The following PCGF2 variants were observed in gnomAD, a reference collection of about 807,000 sequenced individuals.
PCGF2 encodes the protein polycomb group ring finger 2, also known as polycomb group RING finger protein 2.
Under a neutral mutation model 36.1 loss-of-function variants are expected in PCGF2, and 8 were observed. The observed-to-expected ratio is 0.22, with a 90% CI of 0.13 to 0.40. The LOEUF (loss-of-function observed/expected upper bound fraction) is 0.40, where lower values mean the gene tolerates loss of function less well. Ranked by LOEUF, PCGF2 falls within the 10% of genes least tolerant of loss-of-function variation. The pLI is 1.00. For synonymous variants in PCGF2, 198 were observed against 191.2 expected, an observed-to-expected ratio of 1.04 and a Z score of -0.29; for missense variants, 436 against 475.9, an observed-to-expected ratio of 0.92 and a Z score of 0.78.
chr17:38,735,751 G>A (rs1906661655), intron 10 of PCGF2, 151 bp from the exon 11 acceptor site: 1 of 1,118,048 alleles, frequency 8.9e-7, no homozygotes, highest in African/African-American at 1.6e-5. Context: ...CAAGGATACA[G>A]GGTGCATGAA....
chr17:38,736,833 CAAAAA>C (rs759416386), intron 9 of PCGF2, among the ~76,000 whole-genome samples: 13 of 149,768 alleles, frequency 8.7e-5, no homozygotes, highest in African/African-American at 2.2e-4. Flanking sequence ...GACTCCGTCT[CAAAAA>C]AAACAAAACA....
chr17:38,745,286 T>G (rs228230), intron 2 of PCGF2, among the ~76,000 whole-genome samples: 1 of 151,760 alleles, frequency 6.6e-6, no homozygotes. Context: ...GAGCCGAGAT[T>G]GCGCCACTGC....
At position 38,740,453 on chromosome 17, in the gene PCGF2, G is replaced by A; in HGVS notation, c.-40-11C>T. ...CTGGGGAGCGTTGCCCTGGGAAACG[G>A]AAGTGGAATCAGAAACCCAGAGTTG... On this transcript the variant is annotated splice_polypyrimidine_tract_variant and intron_variant, in intron 2 of 10. Coordinates refer to ENST00000620225, the MANE Select transcript of PCGF2 (RefSeq NM_007144.3). The A allele has an allele frequency of 6.5e-7, 1 of 1,534,192 alleles. No individual in the cohort carries two copies. The highest frequency in any genetic ancestry group is 8.9e-7 in the Non-Finnish European group (1 of 1,127,108).
At position 38,740,282 on chromosome 17, in the gene PCGF2, C is replaced by G. The variant is rs776023319; in HGVS notation, c.112+9G>C. ...CCCACCCTGAGCAGCTCCCCTCCCCCCAACTCACAGGAATGCAGGCACTCC... is the reference window on the plus strand; with the variant it reads ...CCCACCCTGAGCAGCTCCCCTCCCCGCAACTCACAGGAATGCAGGCACTCC... On this transcript the variant is annotated intron_variant, in intron 3 of 10. Transcript: ENST00000620225. 2 of 1,611,660 alleles carry G rather than the reference C, an allele frequency of 1.2e-6. No homozygotes were observed. Among genetic ancestry groups the G allele is most frequent in the African/African-American group, 1.3e-5 (1 of 74,896 alleles).
upstream of PCGF2, among the ~76,000 whole-genome samples, chr17:38,748,877 G>T (rs1567639148): frequency 6.6e-6 from 1 of 152,186 alleles, no homozygotes; most frequent in Non-Finnish European, 1.5e-5. Context: ...CTGCATCTGG[G>T]AGGGCGAGCG....
At position 38,739,005 on chromosome 17, in the gene PCGF2, G is replaced by C; in HGVS notation, c.316+63C>G. On this transcript the variant is annotated intron_variant, in intron 6 of 10. Coordinates refer to ENST00000620225, the MANE Select transcript of PCGF2 (RefSeq NM_007144.3). This position sits in a 1 kb window ranked among gnomAD's most constrained non-coding sequence, Gnocchi z 4.0. ...AGGAGGTCAGAGGGTGAGGGGTAGC[G>C]CTACACACCTACATGGTCCCAGGCA... 6.3e-7 allele frequency: 1 copy of C among 1,582,798 alleles called. No individual in the cohort carries two copies.
chr17:38,739,592 C>T lies in PCGF2; in HGVS notation c.203G>A (p.Ser68Asn), dbSNP rs765795827. Residue 68 changes from serine to asparagine, a missense_variant, in exon 4 of 11, where the codon AGC (serine) becomes AAC (asparagine). Ser to Asn is a conservative substitution (Grantham distance 46). Transcript: ENST00000620225. This position sits in a 1 kb window ranked among gnomAD's most constrained non-coding sequence, Gnocchi z 4.0. ...GGTGCCGTGCCAAGCCCACCTGATG[C>T]TCAGCAGCGGCCGGGTTTTATGGAC... The part of the protein sequence containing the change: ...VQVHKTRPLL[S>N]IRSDKTLQDI... 1 of 1,612,982 alleles carries T rather than the reference C, an allele frequency of 6.2e-7. No homozygotes were observed.
intron 10 of PCGF2, 109 bp downstream of exon 10, chr17:38,735,981 G>A: frequency 1.3e-6 from 1 of 787,564 alleles, no homozygotes; most frequent in Non-Finnish European, 2.1e-6. Flanking sequence ...GCAGCTCATG[G>A]GATAAGGGAC....
chr17:38,734,800 A>C lies in PCGF2; in HGVS notation c.*423T>G. On this transcript the variant is annotated 3_prime_UTR_variant, in exon 11 of 11. Coordinates refer to ENST00000620225, the MANE Select transcript of PCGF2 (RefSeq NM_007144.3). Reference sequence around the variant, plus strand: ...TGACTCCTATATGCAGCCAGTTGGAATCATGCCTAAAGCTTTGGGTCTGAA... The same window carrying C: ...TGACTCCTATATGCAGCCAGTTGGACTCATGCCTAAAGCTTTGGGTCTGAA... The C allele has an allele frequency of 6.4e-6, 1 of 156,616 alleles. No homozygotes were observed. The highest frequency in any genetic ancestry group is 1.4e-5 in the Non-Finnish European group (1 of 70,982). 9.7% of individuals were successfully genotyped at this position (156,616 alleles called of 1,614,324 possible). A position where few individuals can be genotyped will look rare whatever the true frequency, so the allele number is the denominator to read the frequency against.
chr17:38,740,396 G>A lies in PCGF2; in HGVS notation c.7C>T (p.Arg3Trp). 1 of 961,066 alleles carries A rather than the reference G, an allele frequency of 1.0e-6. No individual in the cohort carries two copies. Among genetic ancestry groups the A allele is most frequent in the Non-Finnish European group, 1.5e-6 (1 of 650,438 alleles). 59.5% of individuals were successfully genotyped at this position (961,066 alleles called of 1,614,324 possible). MH[R>W]TTRIKITELN... ...TCTGTGATTTTGATCCGTGTAGTCC[G>A]ATGCATGATTCCGGGGTCGGGGGTG... Residue 3 changes from arginine to tryptophan, a missense_variant, in exon 3 of 11, where the codon CGG (arginine) becomes TGG (tryptophan). By Grantham distance (101) the Arg-to-Trp change is moderately radical. This residue lies in a region of PCGF2 where 189 missense variants were observed against 219.3 expected (regional missense o/e 0.86). Transcript: ENST00000620225.
rs894989198 is a variant in PCGF2, at chr17:38,740,265, G to A, written c.112+26C>T. 6.2e-6 allele frequency: 10 copies of A among 1,603,498 alleles called. No individual in the cohort carries two copies. The Admixed American group carries it at 8.3e-5, about 13-fold the overall frequency. ...TCTGGGCACAGAGGCTGCCCACCCT[G>A]AGCAGCTCCCCTCCCCCCAACTCAC... On this transcript the variant is annotated intron_variant, in intron 3 of 10. Coordinates refer to ENST00000620225, the MANE Select transcript of PCGF2 (RefSeq NM_007144.3).
chr17:38,743,812 T>A (rs546974641), intron 2 of PCGF2, among the ~76,000 whole-genome samples: 14 of 152,248 alleles, frequency 9.2e-5, no homozygotes, highest in Non-Finnish European at 1.9e-4. Flanking sequence ...CGCGAATTCC[T>A]GATACCCAGT....
intron 9 of PCGF2, among the ~76,000 whole-genome samples, chr17:38,737,623 T>C (rs1047428835): frequency 6.6e-6 from 1 of 151,948 alleles, no homozygotes; most frequent in Non-Finnish European, 1.5e-5. Flanking sequence ...GTTAGAAATA[T>C]GGAATCTGGC....
chr17:38,736,147 C>T lies in PCGF2; in HGVS notation c.600G>A (p.Glu200=). The change falls in exon 10 of 11, where the codon GAG becomes GAA. Residue 200 remains glutamate, a synonymous_variant. Coordinates refer to ENST00000620225, the MANE Select transcript of PCGF2 (RefSeq NM_007144.3). ...TGAGGGTGTAGTATTCCTTCAGTGGCTCGTCCTCGTACAGAACCTCCACCT... is the reference window on the plus strand; with the variant it reads ...TGAGGGTGTAGTATTCCTTCAGTGGTTCGTCCTCGTACAGAACCTCCACCT... ...KYKVEVLYED[E]PLKEYYTLMD... 1 of 1,579,026 alleles carries T rather than the reference C, an allele frequency of 6.3e-7. No homozygotes were observed. The highest frequency in any genetic ancestry group is 8.6e-7 in the Non-Finnish European group (1 of 1,162,224).
chr17:38,744,441 C>T (rs938409005), intron 2 of PCGF2, among the ~76,000 whole-genome samples: 5 of 152,112 alleles, frequency 3.3e-5, no homozygotes, highest in Non-Finnish European at 1.5e-5. Flanking sequence ...CTGCAACCTC[C>T]GCCTCCTGGA....
At position 38,742,356 on chromosome 17, in the gene PCGF2, C is replaced by T. The variant is rs150512500; in HGVS notation, c.-40-1914G>A. On this transcript the variant is annotated intron_variant, in intron 2 of 10. Transcript: ENST00000620225. Reference sequence around the variant, plus strand: ...TTTTCTAGGACAAGAAATTCACAGCCGGGATCAGCAGTTTCTATAGAGACC... The same window carrying T: ...TTTTCTAGGACAAGAAATTCACAGCTGGGATCAGCAGTTTCTATAGAGACC... Among the ~76,000 whole-genome samples, 1,326 of 152,278 alleles carry T rather than the reference C, an allele frequency of 8.7e-3. 7 individuals carry two copies. The highest frequency in any genetic ancestry group is 0.013 in the Non-Finnish European group (896 of 68,010).
intron 10 of PCGF2, among the ~76,000 whole-genome samples, chr17:38,735,802 A>G (rs985418913): frequency 3.3e-5 from 5 of 152,192 alleles, no homozygotes; most frequent in African/African-American, 1.2e-4. Flanking sequence ...AGACTCCGTC[A>G]GAGAGGAGAC....
upstream of PCGF2, chr17:38,749,591 C>A (rs765386375): frequency 1.3e-5 from 6 of 453,910 alleles, no homozygotes; most frequent in South Asian, 9.3e-5. The surrounding 1 kb of genome is among the most constrained non-coding windows in gnomAD (Gnocchi z 6.5). Flanking sequence ...ATTATCCATC[C>A]GGCCAGCAGC....
chr17:38,736,288 TTCTC>T (rs1169425494), intron 9 of PCGF2, 118 bp from the exon 10 acceptor site: 2 of 689,870 alleles, frequency 2.9e-6, no homozygotes, highest in Non-Finnish European at 5.3e-6. Flanking sequence ...GGTCCCTTAT[TTCTC>T]TGGGATTTCA....
Sources: gnomAD v4.1 joint callset for allele counts (sites outside exome capture counted in the v4.1 genomes callset) on GRCh38, gnomAD v4.1.1 for gene constraint, gnomAD v4.1.1 regional missense constraint, Gnocchi (gnomAD v3.1) non-coding constraint, MANE v1.5 for transcripts, NCBI Gene and HGNC (gene_info 2026-07-23, HGNC 2026-07-21) for gene names.